Variants in TOP3B observed in about 807,000 individuals in gnomAD.
TOP3B encodes the protein DNA topoisomerase 3-beta-1.
TOP3B carries 45 observed loss-of-function variants against 93.9 expected under a neutral mutation model. That is an observed-to-expected ratio of 0.48 (90% CI 0.38 to 0.61). TOP3B has a LOEUF of 0.61. Ranked by LOEUF, TOP3B falls within the 20% of genes least tolerant of loss-of-function variation. TOP3B has a pLI of 0.00. For synonymous variants in TOP3B, 357 were observed against 472.6 expected (o/e 0.76, Z 3.17); for missense variants, 750 against 1,156.1 (o/e 0.65, Z 5.09).
In TOP3B at chr22:21,960,455, A is replaced by G; in HGVS notation, c.1526-6T>C. 6.8e-6 allele frequency: 11 copies of G among 1,613,224 alleles called. No individual in the cohort carries two copies. The highest frequency in any genetic ancestry group is 9.3e-6 in the Non-Finnish European group (11 of 1,179,924). ...AGGGATGCTGGCATCCGTGCCTGCA[A>G]TGTACAAGGCCCCAGGGTTCCTGGC... On this transcript the variant is annotated splice_polypyrimidine_tract_variant and splice_region_variant and intron_variant, in intron 13 of 17. Coordinates refer to ENST00000357179, the MANE Select transcript of TOP3B (RefSeq NM_001282112.2).
chr22:21,972,123 G>A, intron 4 of TOP3B, 172 bp from the exon 5 acceptor site: 3 of 564,384 alleles, frequency 5.3e-6, no homozygotes, highest in East Asian at 3.0e-5. Context: ...TCAGCCAACA[G>A]AAAAGAATTG....
chr22:21,978,042 C>T (rs1449929497), intron 1 of TOP3B, among the ~76,000 whole-genome samples: 1 of 151,702 alleles, frequency 6.6e-6, no homozygotes, highest in Non-Finnish European at 1.5e-5. Context: ...AGGGAGGGAG[C>T]AGGGGTGTAG....
Position 21,960,306 on chromosome 22 carries a change from G to C in TOP3B, c.1654+15C>G. The C allele has an allele frequency of 6.2e-7, 1 of 1,613,182 alleles. No individual in the cohort carries two copies. The highest frequency in any genetic ancestry group is 8.5e-7 in the Non-Finnish European group (1 of 1,179,874). ...GAGCCTCGGTGGGCCCTGGGGGCAG[G>C]ACTGAGGAACTCACCAATCTTATAG... On this transcript the variant is annotated intron_variant, in intron 14 of 17. Transcript: ENST00000357179.
intron 16 of TOP3B, 48 bp downstream of exon 16, chr22:21,959,084 C>G: frequency 4.4e-6 from 7 of 1,602,854 alleles, no homozygotes; most frequent in Non-Finnish European, 6.0e-6. Context: ...AAAGCTGAGG[C>G]CTACAGGGGT....
At chr22:21,981,696 C>T (rs2084634982) in intron 1 of TOP3B, among the ~76,000 whole-genome samples, 1 of 152,062 alleles carries the variant, frequency 6.6e-6, no homozygotes, top group Non-Finnish European at 1.5e-5. Flanking sequence ...ACTCAGGAGG[C>T]TGAGGCAGGA....
At chr22:21,958,898 T>C (rs750319788) in intron 16 of TOP3B, 1 of 1,051,138 alleles carries the variant, frequency 9.5e-7, no homozygotes, top group Non-Finnish European at 1.3e-6. Context: ...TTAATGCCCA[T>C]GATGGCAAGT....
intron 13 of TOP3B, chr22:21,962,107 AAT>A (rs2071209012): frequency 1.6e-6 from 2 of 1,284,410 alleles, no homozygotes; most frequent in East Asian, 7.7e-5. Flanking sequence ...GGGGACTGCC[AAT>A]ATGATTTCTA....
At chr22:21,960,128 A>G (rs758773137) in intron 14 of TOP3B, 193 bp downstream of exon 14, 121 of 836,674 alleles carry the variant, frequency 1.4e-4, no homozygotes, top group Non-Finnish European at 2.0e-4. Context: ...GCCTTCAAAC[A>G]CACTGAGCTC....
intron 7 of TOP3B, 108 bp from the exon 8 acceptor site, chr22:21,967,824 T>C (rs561960158): frequency 3.7e-6 from 3 of 805,768 alleles, no homozygotes; most frequent in East Asian, 2.5e-5. Flanking sequence ...GGGAGCCAAA[T>C]AGCCCTGGCT....
chr22:21,974,912 C>G (rs564609110), intron 2 of TOP3B: 39 of 156,226 alleles, frequency 2.5e-4, no homozygotes, highest in African/African-American at 8.7e-4. Flanking sequence ...TGACCATACT[C>G]AGCTGTACTT....
chr22:21,962,900 C>A lies in TOP3B; in HGVS notation c.1205-7G>T, dbSNP rs773673073. 2.5e-6 allele frequency: 4 copies of A among 1,610,118 alleles called. No individual in the cohort carries two copies. The East Asian group carries it at 8.9e-5, about 36-fold the overall frequency. ...AGCCGCCACGCGTCACCCCCTGCAA[C>A]AGGCCAGGGCTAGTCAGTTGGGAGC... On this transcript the variant is annotated splice_region_variant and splice_polypyrimidine_tract_variant and intron_variant, in intron 11 of 17. Transcript: ENST00000357179.
Position 21,975,680 on chromosome 22 carries a change from C to T in TOP3B, c.30G>A (p.Lys10=). 1.2e-6 allele frequency: 2 copies of T among 1,612,246 alleles called. No homozygotes were observed. Among genetic ancestry groups the T allele is most frequent in the Non-Finnish European group, 1.7e-6 (2 of 1,178,790 alleles). MKTVLMVAE[K]PSLAQSIAKI... ...TGGCAATTGACTGTGCCAAGGACGG[C>T]TTTTCAGCAACCATGAGCACAGTCT... The change falls in exon 2 of 18, where the codon AAG becomes AAA. Residue 10 remains lysine, a synonymous_variant. Transcript: ENST00000357179.
rs2071105014 is a variant in TOP3B, at chr22:21,960,151, G to C, written c.1654+170C>G. ...ACACACTGAGCTCCTGCTCTGGGCAGGTCCTGGGGGTCCTGGGGCAGCACC... is the reference window on the plus strand; with the variant it reads ...ACACACTGAGCTCCTGCTCTGGGCACGTCCTGGGGGTCCTGGGGCAGCACC... On this transcript the variant is annotated intron_variant, in intron 14 of 17. Transcript: ENST00000357179. 1.1e-5 allele frequency: 11 copies of C among 984,578 alleles called. No homozygotes were observed. The South Asian group carries it at 1.6e-4, about 15-fold the overall frequency. The allele number at this position is 984,578 out of a possible 1,614,324, so 61.0% of individuals were successfully genotyped here.
chr22:21,962,449 A>G lies in TOP3B; in HGVS notation c.1505T>C (p.Leu502Pro), dbSNP rs780879203. 6.2e-7 allele frequency: 1 copy of G among 1,613,628 alleles called. No individual in the cohort carries two copies. Among genetic ancestry groups the G allele is most frequent in the East Asian group, 2.2e-5 (1 of 44,878 alleles). ...CCCACCGATGCCATGCTTCTCCATG[A>G]GCGTGATGAGCTCGGCCTCCGTCAG... ...DYLTEAELIT[L>P]MEKHGIGTDA... Residue 502 changes from leucine (L) to proline (P), a missense_variant, in exon 13 of 18, where the codon CTC (leucine) becomes CCC (proline). Transcript: ENST00000357179.
rs2070942826 is a variant in TOP3B at position 21,957,140 on chromosome 22, A to T, written c.2563T>A (p.Ser855Thr). 1 of 1,225,634 alleles carries T rather than the reference A, an allele frequency of 8.2e-7. No homozygotes were observed. The highest frequency in any genetic ancestry group is 1.5e-5 in the African/African-American group (1 of 65,914). The allele number at this position is 1,225,634 out of a possible 1,614,324, so 75.9% of individuals were successfully genotyped here. The part of the protein sequence containing the change: ...PNPRRPKDKM[S>T]ALAAYFV ...CATACAAAGTAGGCGGCCAGGGCTG[A>T]CATCTTGTCCTTGGGCCGTCTGGGG... The change falls in exon 18 of 18, where the codon TCA becomes ACA. Residue 855 changes from serine to threonine, a missense_variant. This residue lies in a region of TOP3B where 0 missense variants were observed against 55.7 expected (regional missense o/e 0.00). Transcript: ENST00000357179.
Position 21,970,720 on chromosome 22 carries a change from A to C in TOP3B, c.385-314T>G, listed in dbSNP as rs2071604105. On this transcript the variant is annotated intron_variant, in intron 5 of 17. Coordinates refer to ENST00000357179, the MANE Select transcript of TOP3B (RefSeq NM_001282112.2). This position sits in a 1 kb window ranked among gnomAD's most constrained non-coding sequence, Gnocchi z 4.4. ...AATCCTCTGCTTTCATCCCCACCAA[A>C]TCAGGAAATGCTACTGCCAAGTACA... The C allele has an allele frequency of 5.7e-5, 21 of 369,930 alleles. No homozygotes were observed. The highest frequency in any genetic ancestry group is 8.7e-4 in the Middle Eastern group (1 of 1,154). 22.9% of individuals were successfully genotyped at this position (369,930 alleles called of 1,614,324 possible).
At chr22:21,975,509 A>G in intron 2 of TOP3B, 131 bp downstream of exon 2, 1 of 1,048,324 alleles carries the variant, frequency 9.5e-7, no homozygotes, top group Middle Eastern at 2.7e-4. Flanking sequence ...TGACATACTG[A>G]GATGCTTCAT....
Position 21,968,291 on chromosome 22 carries a change from T to A in TOP3B, c.738+328A>T, listed in dbSNP as rs2071494035. 3 of 291,980 alleles carry A rather than the reference T, an allele frequency of 1.0e-5. No individual in the cohort carries two copies. The South Asian group carries it at 2.2e-4, about 22-fold the overall frequency. The allele number at this position is 291,980 out of a possible 1,614,324, so 18.1% of individuals were successfully genotyped here. On this transcript the variant is annotated intron_variant, in intron 7 of 17. Coordinates refer to ENST00000357179, the MANE Select transcript of TOP3B (RefSeq NM_001282112.2). ...TTTGAAGAAAGGGTTCTAGGAATTT[T>A]AAAAAGTTTGAAAGCCAATGGTCTC... is the stretch of plus-strand genomic sequence containing the variant.
rs2071572231 is a variant in TOP3B, at chr22:21,970,080, T to C, written c.581+130A>G. On this transcript the variant is annotated intron_variant, in intron 6 of 17. Coordinates refer to ENST00000357179, the MANE Select transcript of TOP3B (RefSeq NM_001282112.2). This position sits in a 1 kb window ranked among gnomAD's most constrained non-coding sequence, Gnocchi z 4.4. Reference sequence around the variant, plus strand: ...CCACTGTGCCTGGCCTTCTTCAGGGTTGGTGAAATCCCCTGTTGCTCATCC... The same window carrying C: ...CCACTGTGCCTGGCCTTCTTCAGGGCTGGTGAAATCCCCTGTTGCTCATCC... 4 of 976,694 alleles carry C rather than the reference T, an allele frequency of 4.1e-6. No homozygotes were observed. The highest frequency in any genetic ancestry group is 1.6e-5 in the African/African-American group (1 of 61,730). 60.5% of individuals were successfully genotyped at this position (976,694 alleles called of 1,614,324 possible).
Sources: gnomAD v4.1 joint callset for allele counts (sites outside exome capture counted in the v4.1 genomes callset) on GRCh38, gnomAD v4.1.1 for gene constraint, gnomAD v4.1.1 regional missense constraint, Gnocchi (gnomAD v3.1) non-coding constraint, MANE v1.5 for transcripts, NCBI Gene and HGNC (gene_info 2026-07-23, HGNC 2026-07-21) for gene names.